The following ANKRD27 variants were observed in gnomAD, a reference collection of about 807,000 sequenced individuals.
ANKRD27 encodes ankyrin repeat domain-containing protein 27.
Under a neutral mutation model 129.7 loss-of-function variants are expected in ANKRD27, and 112 were observed. That is an observed-to-expected ratio of 0.86 (90% CI 0.74 to 1.01). ANKRD27 has a LOEUF of 1.01. Among genes scored for constraint, ANKRD27 ranks in the 50% least tolerant of loss-of-function variants. The pLI, the probability that ANKRD27 is intolerant of heterozygous loss-of-function variation, is 0.00. For missense variants in ANKRD27, 1,258 were observed against 1,300.5 expected (o/e 0.97, Z 0.50); for synonymous variants, 516 against 511.2 (o/e 1.01, Z -0.13).
intron 22 of ANKRD27, among the ~76,000 whole-genome samples, chr19:32,610,483 TA>T (rs35230573): frequency 0.55 from 59,086 of 107,340 alleles, 15,504 homozygotes; most frequent in Non-Finnish European, 0.57. Flanking sequence ...AGACCGTCTC[TA>T]AAAAAAAAAA....
At position 32,618,126 on chromosome 19, in the gene ANKRD27, C is replaced by T. The variant is rs186561964; in HGVS notation, c.2008-493G>A. On this transcript the variant is annotated intron_variant, in intron 20 of 28. Coordinates refer to ENST00000306065, the MANE Select transcript of ANKRD27 (RefSeq NM_032139.3). Reference sequence around the variant, plus strand: ...GGCATCCTAGGAAGTTGCTGGTGTGCGCAGAACCCACTGCCATTTAGGGAA... The same window carrying T: ...GGCATCCTAGGAAGTTGCTGGTGTGTGCAGAACCCACTGCCATTTAGGGAA... 3.9e-3 allele frequency among the ~76,000 whole-genome samples: 559 copies of T among 142,128 alleles called. 4 individuals carry two copies. The highest frequency in any genetic ancestry group is 0.011 in the African/African-American group (423 of 37,924). 93.2% of individuals were successfully genotyped at this position (142,128 alleles called of 152,430 possible).
intron 22 of ANKRD27, among the ~76,000 whole-genome samples, chr19:32,609,722 G>A (rs1488015436): frequency 6.6e-6 from 1 of 151,994 alleles, no homozygotes; most frequent in Admixed American, 6.6e-5. Context: ...TGAGGGAAAC[G>A]TTGTGTATCT....
chr19:32,651,817 T>G (rs1466500030), intron 2 of ANKRD27, among the ~76,000 whole-genome samples: 4 of 152,184 alleles, frequency 2.6e-5, no homozygotes, highest in African/African-American at 9.7e-5. Flanking sequence ...TCAAGCACAC[T>G]GCTGGACACG....
At chr19:32,649,960 A>T (rs1364374669) in intron 2 of ANKRD27, among the ~76,000 whole-genome samples, 168 bp from the exon 3 acceptor site, 1 of 152,086 alleles carries the variant, frequency 6.6e-6, no homozygotes, top group Non-Finnish European at 1.5e-5. Context: ...AGCTGAGGTG[A>T]TCTGCTGCTG....
intron 17 of ANKRD27, among the ~76,000 whole-genome samples, chr19:32,624,833 C>G (rs978302772): frequency 6.6e-6 from 1 of 151,832 alleles, no homozygotes; most frequent in African/African-American, 2.4e-5. Flanking sequence ...CCAGGGGAAG[C>G]TGAGGTGGGA....
In ANKRD27 at chr19:32,622,408, A is replaced by ATGGGAAGAGCTACCT; in HGVS notation, c.1826_1827+13dup. On this transcript the variant is annotated intron_variant, in intron 18 of 28. Transcript: ENST00000306065. ...TTCGAAGTCATCTTGCCCCTCAGAG[A>ATGGGAAGAGCTACCT]TGGGAAGAGCTACCTTTGAGTTTAA... 1 of 1,613,302 alleles carries ATGGGAAGAGCTACCT rather than the reference A, an allele frequency of 6.2e-7. No individual in the cohort carries two copies. Among genetic ancestry groups the ATGGGAAGAGCTACCT allele is most frequent in the Non-Finnish European group, 8.5e-7 (1 of 1,179,728 alleles).
In ANKRD27 at chr19:32,639,338, G is replaced by C. The variant is rs1401761056; in HGVS notation, c.1116+18C>G. ...ATGATGCCCACAAAGGAAGGCCAGG[G>C]CAGGGGTGAGATCTTACAGGGGGTT... On this transcript the variant is annotated intron_variant, in intron 12 of 28. Transcript: ENST00000306065. 4 of 1,613,968 alleles carry C rather than the reference G, an allele frequency of 2.5e-6. No homozygotes were observed. In the African/African-American group the frequency reaches 4.0e-5, roughly 16 times the overall value.
chr19:32,601,130 C>T (rs755298017), intron 26 of ANKRD27, among the ~76,000 whole-genome samples: 1 of 150,500 alleles, frequency 6.6e-6, no homozygotes, highest in Non-Finnish European at 1.5e-5. Flanking sequence ...GAAACCCTGT[C>T]TCTACTAAAA....
At chr19:32,619,145 C>T in intron 20 of ANKRD27, 115 bp downstream of exon 20, 2 of 1,397,882 alleles carry the variant, frequency 1.4e-6, no homozygotes, top group East Asian at 2.3e-5. Flanking sequence ...GCGGCCTCAG[C>T]ATGGGCAAGC....
At chr19:32,652,925 T>C (rs1967447479) in intron 2 of ANKRD27, among the ~76,000 whole-genome samples, 1 of 151,938 alleles carries the variant, frequency 6.6e-6, no homozygotes, top group South Asian at 2.1e-4. Context: ...AAGACCCCAT[T>C]TCAAAAGAAA....
rs762117215 is a variant in ANKRD27, at chr19:32,605,879, C to A, written c.2449G>T (p.Ala817Ser). 1 of 1,614,032 alleles carries A rather than the reference C, an allele frequency of 6.2e-7. No homozygotes were observed. Among genetic ancestry groups the A allele is most frequent in the East Asian group, 2.2e-5 (1 of 44,880 alleles). ...AGCTCGTGATGGCCACCGGAGCAGG[C>A]GTAAATGAGGGGCGTGTTTCCACTG... ...DLSGNTPLIY[A>S]CSGGHHELVA... Residue 817 changes from alanine to serine, a missense_variant, in exon 24 of 29, where the codon GCC becomes TCC. Physicochemically the swap from Ala to Ser is moderately conservative, Grantham distance 99. Coordinates refer to ENST00000306065, the MANE Select transcript of ANKRD27 (RefSeq NM_032139.3).
At chr19:32,668,156 C>A (rs767310650) in intron 1 of ANKRD27, among the ~76,000 whole-genome samples, 10 of 152,028 alleles carry the variant, frequency 6.6e-5, no homozygotes, top group Admixed American at 3.9e-4. Flanking sequence ...TACTTACTTA[C>A]CTTCATTTAT....
At chr19:32,627,018 G>A (rs1966896933) in intron 15 of ANKRD27, among the ~76,000 whole-genome samples, 191 bp from the exon 16 acceptor site, 2 of 152,080 alleles carry the variant, frequency 1.3e-5, no homozygotes, top group African/African-American at 4.8e-5. Context: ...TGTTGGGGTG[G>A]GCCTTGGAGG....
In ANKRD27 at chr19:32,599,763, T is replaced by C. The variant is rs777063293; in HGVS notation, c.2860A>G (p.Arg954Gly). Reference sequence around the variant, plus strand: ...CTTCTATCTCTTGCCATAATCTCCCTTGAAGTCTTTCCCCTAAAACCCAAA... The same window carrying C: ...CTTCTATCTCTTGCCATAATCTCCCCTGAAGTCTTTCCCCTAAAACCCAAA... ...SAGQFKGKTS[R>G]EIMARDRSVP... The change falls in exon 28 of 29, where the codon AGG becomes GGG. Residue 954 changes from arginine (R) to glycine (G), a missense_variant. Transcript: ENST00000306065. The C allele has an allele frequency of 5.0e-6, 8 of 1,613,618 alleles. No individual in the cohort carries two copies. Among genetic ancestry groups the C allele is most frequent in the Admixed American group, 1.7e-5 (1 of 59,862 alleles).
At chr19:32,631,846 C>T (rs1966999825) in intron 12 of ANKRD27, among the ~76,000 whole-genome samples, 1 of 152,246 alleles carries the variant, frequency 6.6e-6, no homozygotes, top group South Asian at 2.1e-4. Flanking sequence ...CTCCTCAAGC[C>T]TCTGACCAAA....
intron 2 of ANKRD27, among the ~76,000 whole-genome samples, chr19:32,653,751 G>A (rs1254145455): frequency 1.3e-5 from 2 of 150,806 alleles, no homozygotes; most frequent in African/African-American, 4.9e-5. Flanking sequence ...GGACGGGGTG[G>A]GGGTGGGGAG....
At chr19:32,662,362 C>T (rs1175042923) in intron 1 of ANKRD27, among the ~76,000 whole-genome samples, 1 of 150,988 alleles carries the variant, frequency 6.6e-6, no homozygotes, top group East Asian at 1.9e-4. Flanking sequence ...TCCGCAGCCC[C>T]TGAATCAGAG....
chr19:32,671,438 C>G (rs1041489111), intron 1 of ANKRD27, among the ~76,000 whole-genome samples: 5 of 152,240 alleles, frequency 3.3e-5, no homozygotes, highest in African/African-American at 1.2e-4. Context: ...TGGCTCACAC[C>G]TGTAATCCCA....
intron 13 of ANKRD27, 61 bp downstream of exon 13, chr19:32,631,341 G>T: frequency 6.9e-7 from 1 of 1,453,770 alleles, no homozygotes. Flanking sequence ...TTTTATAGAG[G>T]CACCAAGAGA....
Sources: allele counts gnomAD v4.1 joint callset (sites outside exome capture counted in the v4.1 genomes callset), GRCh38; gene constraint gnomAD v4.1.1; transcripts MANE v1.5; gene names NCBI Gene and HGNC (gene_info 2026-07-23, HGNC 2026-07-21).